The following GVQW3 variants were observed in gnomAD, a reference collection of about 807,000 sequenced individuals.
GVQW3 encodes the protein GVQW motif containing 3, also known as protein GVQW3.
In GVQW3, 7 loss-of-function variants were observed where a neutral mutation model predicts 12.5. That is an observed-to-expected ratio of 0.56 (90% confidence interval 0.32 to 1.05). The LOEUF (loss-of-function observed/expected upper bound fraction) is 1.05, where lower values mean the gene tolerates loss of function less well. GVQW3 is among the 50% of genes least tolerant of loss of function. The pLI, the probability that GVQW3 is intolerant of heterozygous loss-of-function variation, is 0.04. For missense variants in GVQW3, 188 were observed against 190.8 expected (o/e 0.99, Z 0.09); for synonymous variants, 71 against 67.2 (o/e 1.06, Z -0.28).
chr11:76,394,458 TG>T (rs1946922064), intron 1 of GVQW3, among the ~76,000 whole-genome samples: 1 of 152,216 alleles, frequency 6.6e-6, no homozygotes, highest in Non-Finnish European at 1.5e-5. Flanking sequence ...TTTCTGTGCT[TG>T]GCTTATTTCA....
At chr11:76,391,026 G>A (rs970998851) in intron 1 of GVQW3, among the ~76,000 whole-genome samples, 5 of 152,100 alleles carry the variant, frequency 3.3e-5, no homozygotes, top group African/African-American at 1.2e-4. Context: ...GCCCAATAGA[G>A]AATAATTTCT....
intron 1 of GVQW3, among the ~76,000 whole-genome samples, chr11:76,400,572 C>T (rs1228190954): frequency 1.3e-5 from 2 of 152,022 alleles, no homozygotes; most frequent in South Asian, 4.1e-4. Context: ...AGGCTCACAC[C>T]ACCATGCCTG....
At position 76,381,536 on chromosome 11, in the gene GVQW3, A is replaced by C; in HGVS notation, c.-293A>C. ...CCGCGGAATCGGAGCGACCTTGGTGACTGGCAAACTCTCGGCAGATGTGCG... is the reference window on the plus strand; with the variant it reads ...CCGCGGAATCGGAGCGACCTTGGTGCCTGGCAAACTCTCGGCAGATGTGCG... On this transcript the variant is annotated 5_prime_UTR_variant, in exon 1 of 2. Transcript: ENST00000529331. 3.1e-6 allele frequency: 1 copy of C among 325,654 alleles called. No individual in the cohort carries two copies. The highest frequency in any genetic ancestry group is 5.6e-6 in the Non-Finnish European group (1 of 177,164). The allele number at this position is 325,654 out of a possible 1,614,324, so 20.2% of individuals were successfully genotyped here.
At chr11:76,382,484 C>T in intron 1 of GVQW3, 191 bp downstream of exon 1, 2 of 632,558 alleles carry the variant, frequency 3.2e-6, no homozygotes, top group Non-Finnish European at 5.6e-6. Context: ...TTAGCTGAAC[C>T]AGAACTAGGA....
At chr11:76,394,336 C>T (rs1236092781) in intron 1 of GVQW3, among the ~76,000 whole-genome samples, 1 of 152,100 alleles carries the variant, frequency 6.6e-6, no homozygotes, top group Non-Finnish European at 1.5e-5. Context: ...CCCACCCCAC[C>T]CTCCACTATC....
At chr11:76,382,456 T>C (rs1158606216) in intron 1 of GVQW3, 163 bp downstream of exon 1, 2 of 662,720 alleles carry the variant, frequency 3.0e-6, no homozygotes, top group Admixed American at 2.4e-5. Context: ...GTTCACCCCA[T>C]GGTGAGAGGA....
intron 1 of GVQW3, among the ~76,000 whole-genome samples, chr11:76,392,020 G>T (rs1447753800): frequency 2.6e-5 from 4 of 152,254 alleles, no homozygotes; most frequent in African/African-American, 9.6e-5. Flanking sequence ...GCCTGGGCCT[G>T]CACTAGGCAC....
chr11:76,390,805 T>G (rs1424548699), intron 1 of GVQW3, among the ~76,000 whole-genome samples: 3 of 148,928 alleles, frequency 2.0e-5, no homozygotes, highest in Non-Finnish European at 4.4e-5. Context: ...CCAGCCTGGG[T>G]GACAGAGCAA....
chr11:76,396,700 C>T (rs920614541), intron 1 of GVQW3, among the ~76,000 whole-genome samples: 5 of 152,164 alleles, frequency 3.3e-5, no homozygotes, highest in African/African-American at 1.2e-4. Context: ...TCTCTTTTTA[C>T]TGAAATATAA....
chr11:76,401,788 AAAAG>A lies in GVQW3; in HGVS notation c.466-1860_466-1857del, dbSNP rs1555029837. Reference sequence around the variant, plus strand: ...AACTCTGTCTCAAAAAAAAAAAAAAAAAAGAAAGAAAGAAAAGAAAAGAAAGAAT... The same window carrying A: ...AACTCTGTCTCAAAAAAAAAAAAAAAAAAGAAAGAAAAGAAAAGAAAGAAT... On this transcript the variant is annotated intron_variant, in intron 1 of 1. Transcript: ENST00000529331. Among the ~76,000 whole-genome samples the A allele has an allele frequency of 1.1e-3, 160 of 150,946 alleles. No individual in the cohort carries two copies. In the South Asian group the frequency reaches 0.014, roughly 14 times the overall value.
chr11:76,388,758 T>C (rs1946862200), intron 1 of GVQW3, among the ~76,000 whole-genome samples: 4 of 152,122 alleles, frequency 2.6e-5, no homozygotes, highest in Admixed American at 2.6e-4. Flanking sequence ...TACCTGGAAA[T>C]AGGTATGACT....
intron 1 of GVQW3, among the ~76,000 whole-genome samples, chr11:76,386,333 G>A (rs1946833103): frequency 6.6e-6 from 1 of 152,130 alleles, no homozygotes; most frequent in Non-Finnish European, 1.5e-5. Flanking sequence ...ACATGTGGAG[G>A]GTTCTGCCAT....
chr11:76,403,496 A>T (rs981707902), intron 1 of GVQW3, among the ~76,000 whole-genome samples, 164 bp from the exon 2 acceptor site: 2 of 151,884 alleles, frequency 1.3e-5, no homozygotes, highest in African/African-American at 4.8e-5. Flanking sequence ...TAGAAACAGG[A>T]TATTGTTCTG....
At chr11:76,410,232 C>A (rs1352279661), downstream of GVQW3, among the ~76,000 whole-genome samples, 1 of 152,114 alleles carries the variant, frequency 6.6e-6, no homozygotes, top group Non-Finnish European at 1.5e-5. Context: ...TCCAGCCTCC[C>A]AAAGAGGGAG....
chr11:76,408,837 TGA>T (rs1448112783), downstream of GVQW3, among the ~76,000 whole-genome samples: 1 of 151,878 alleles, frequency 6.6e-6, no homozygotes, highest in Non-Finnish European at 1.5e-5. Flanking sequence ...GGGGTGTGAG[TGA>T]GGGGATCAGG....
At chr11:76,394,590 G>A (rs1047887406) in intron 1 of GVQW3, among the ~76,000 whole-genome samples, 4 of 152,132 alleles carry the variant, frequency 2.6e-5, no homozygotes, top group African/African-American at 4.8e-5. Context: ...CTATTCATCT[G>A]TTGACAGACA....
At position 76,405,624 on chromosome 11, in the gene GVQW3, G is replaced by C. The variant is rs922985366; in HGVS notation, c.*1866G>C. On this transcript the variant is annotated 3_prime_UTR_variant, in exon 2 of 2. Coordinates refer to ENST00000529331, the MANE Select transcript of GVQW3 (RefSeq NM_001347885.2). ...CCTTCAACTGCCCCTCTAAAGTCTT[G>C]TCTTGGAGTCACATGAGGTCCAAGT... The C allele has an allele frequency of 6.6e-6, 1 of 152,420 alleles. No individual in the cohort carries two copies. The highest frequency in any genetic ancestry group is 1.5e-5 in the Non-Finnish European group (1 of 68,314). The allele number at this position is 152,420 out of a possible 1,614,324, so 9.4% of individuals were successfully genotyped here.
At chr11:76,413,133 T>C (rs994920957), downstream of GVQW3, 15 of 152,246 alleles carry the variant, frequency 9.9e-5, no homozygotes, top group African/African-American at 3.6e-4. Context: ...TCTGTTTCCA[T>C]TTCTCCTTGC....
At chr11:76,382,359 A>G (rs930751149) in intron 1 of GVQW3, 66 bp downstream of exon 1, 1 of 1,029,980 alleles carries the variant, frequency 9.7e-7, no homozygotes, top group Admixed American at 2.0e-5. Context: ...CCCTGCCGGT[A>G]TCCCATCCCA....
Sources: gnomAD v4.1 joint callset for allele counts (sites outside exome capture counted in the v4.1 genomes callset) on GRCh38, gnomAD v4.1.1 for gene constraint, MANE v1.5 for transcripts, NCBI Gene and HGNC (gene_info 2026-07-23, HGNC 2026-07-21) for gene names.